Variants in RNF216 observed in about 807,000 individuals in gnomAD.
RNF216 encodes ring finger protein 216.
In RNF216, 72 loss-of-function variants were observed where a neutral mutation model predicts 110.8. That is an observed-to-expected ratio of 0.65 (90% CI 0.54 to 0.79). The LOEUF (loss-of-function observed/expected upper bound fraction) is 0.79, where lower values mean the gene tolerates loss of function less well. RNF216 is among the 30% of genes least tolerant of loss of function. RNF216 has a pLI of 0.00. For synonymous variants in RNF216, 495 were observed against 407.5 expected, an observed-to-expected ratio of 1.21 and a Z score of -2.59; for missense variants, 1,342 against 1,141.2, an observed-to-expected ratio of 1.18 and a Z score of -2.54.
chr7:5,725,945 A>AT (rs1362231389), intron 7 of RNF216, among the ~76,000 whole-genome samples: 1 of 152,050 alleles, frequency 6.6e-6, no homozygotes, highest in African/African-American at 2.4e-5. Flanking sequence ...TGGTGGAAGC[A>AT]AAACACTTAC....
At chr7:5,655,784 T>C (rs1788703710) in intron 13 of RNF216, among the ~76,000 whole-genome samples, 1 of 152,192 alleles carries the variant, frequency 6.6e-6, no homozygotes, top group African/African-American at 2.4e-5. Flanking sequence ...AAATTGTAAT[T>C]TTCTCCTCTC....
At chr7:5,755,865 C>T (rs1264162016) in intron 2 of RNF216, among the ~76,000 whole-genome samples, 1 of 152,098 alleles carries the variant, frequency 6.6e-6, no homozygotes, top group East Asian at 1.9e-4. Flanking sequence ...TAACACTAAA[C>T]AAATTTTCCA....
intron 13 of RNF216, chr7:5,666,730 T>C (rs1789552827): frequency 6.6e-6 from 1 of 151,908 alleles, no homozygotes; most frequent in African/African-American, 2.4e-5. Context: ...GGGGAGGCTG[T>C]GACTAAGCCC....
chr7:5,694,566 T>C (rs1791513048), intron 13 of RNF216, among the ~76,000 whole-genome samples: 1 of 152,222 alleles, frequency 6.6e-6, no homozygotes. Context: ...TAAGGTAAGT[T>C]TAAACGACAA....
At chr7:5,688,268 G>T (rs913014862) in intron 13 of RNF216, among the ~76,000 whole-genome samples, 1 of 152,186 alleles carries the variant, frequency 6.6e-6, no homozygotes. Flanking sequence ...TAACTAGACA[G>T]TAAATTGAGC....
chr7:5,778,687 G>A lies in RNF216; in HGVS notation c.-70+2854C>T, dbSNP rs182969936. Among the ~76,000 whole-genome samples, 29 of 152,308 alleles carry A rather than the reference G, an allele frequency of 1.9e-4. No individual in the cohort carries two copies. The East Asian group carries it at 3.1e-3, about 16-fold the overall frequency. On this transcript the variant is annotated intron_variant, in intron 1 of 16. Transcript: ENST00000389902. ...GGTCCAAACTGAGTTCAAGTTCCAC[G>A]CTGACCCTTACAAGTTTTGGGACTA...
chr7:5,695,405 C>A (rs180718003), intron 13 of RNF216, among the ~76,000 whole-genome samples: 116 of 152,250 alleles, frequency 7.6e-4, no homozygotes, highest in Non-Finnish European at 1.4e-3. Flanking sequence ...GCAGAAGCGC[C>A]ACATCGCCTT....
intron 9 of RNF216, among the ~76,000 whole-genome samples, chr7:5,718,856 C>T (rs933972881): frequency 4.6e-5 from 7 of 152,110 alleles, no homozygotes; most frequent in Non-Finnish European, 1.5e-5. Flanking sequence ...CCCACCCGGC[C>T]AAACTTAAGT....
chr7:5,630,706 A>G (rs1403925311), intron 15 of RNF216, among the ~76,000 whole-genome samples: 1 of 152,140 alleles, frequency 6.6e-6, no homozygotes, highest in Non-Finnish European at 1.5e-5. Flanking sequence ...TCACTCTTAT[A>G]AAGCGCCAAG....
In RNF216 at chr7:5,776,365, C is replaced by T. The variant is rs561592293; in HGVS notation, c.-70+5176G>A. ...TTGGGAGGCCAAGGCGGGCGGATCA[C>T]GAGGTCAGGAGACGGAGACCATCCT... On this transcript the variant is annotated intron_variant, in intron 1 of 16. Transcript: ENST00000389902. 1.6e-3 allele frequency among the ~76,000 whole-genome samples: 248 copies of T among 151,076 alleles called. 1 individual carries two copies. Among genetic ancestry groups the T allele is most frequent in the Admixed American group, 2.6e-3 (39 of 15,110 alleles).
chr7:5,624,367 T>C lies in RNF216; in HGVS notation c.2383-242A>G, dbSNP rs1003972580. Among the ~76,000 whole-genome samples the C allele has an allele frequency of 4.6e-5, 7 of 152,212 alleles. No individual in the cohort carries two copies. The highest frequency in any genetic ancestry group is 1.0e-4 in the Non-Finnish European group (7 of 68,028). ...AAGGCTGGGCAGAGGGGTCTGAGCA[T>C]GGCAGGCAGCTGCCTGGTGAGGTGG... On this transcript the variant is annotated intron_variant, in intron 15 of 16. Coordinates refer to ENST00000389902, the MANE Select transcript of RNF216 (RefSeq NM_207111.4). This position sits in a 1 kb window ranked among gnomAD's most constrained non-coding sequence, Gnocchi z 4.4.
At chr7:5,650,579 T>G (rs1341426838) in intron 14 of RNF216, among the ~76,000 whole-genome samples, 1 of 152,130 alleles carries the variant, frequency 6.6e-6, no homozygotes, top group Non-Finnish European at 1.5e-5. Flanking sequence ...GTCTCTATTT[T>G]CTTGGTGGCT....
chr7:5,767,469 G>A (rs1796264079), intron 1 of RNF216, among the ~76,000 whole-genome samples: 1 of 151,938 alleles, frequency 6.6e-6, no homozygotes. Flanking sequence ...CCAAAAACCA[G>A]AATAACCTCC....
rs759343490 is a variant in RNF216, at chr7:5,670,460, CTT to C, written c.2062-17952_2062-17951del. Among the ~76,000 whole-genome samples, 4 of 152,112 alleles carry C rather than the reference CTT, an allele frequency of 2.6e-5. No homozygotes were observed. The East Asian group carries it at 5.8e-4, about 22-fold the overall frequency. ...GAACTGGTGGTTGGGTAAAAAAAGT[CTT>C]TTACTTCCTCTTTTTGCTTATTCTT... On this transcript the variant is annotated intron_variant, in intron 13 of 16. Transcript: ENST00000389902.
At chr7:5,730,127 GAA>G (rs1046898693) in intron 6 of RNF216, among the ~76,000 whole-genome samples, 7 of 152,146 alleles carry the variant, frequency 4.6e-5, no homozygotes, top group Non-Finnish European at 8.8e-5. Flanking sequence ...CACATCAAAA[GAA>G]AAAAGATATT....
chr7:5,740,556 T>C (rs1311777505), intron 4 of RNF216, among the ~76,000 whole-genome samples: 1 of 152,192 alleles, frequency 6.6e-6, no homozygotes, highest in Non-Finnish European at 1.5e-5. Context: ...CTGATGCCAC[T>C]GGAAAATTTT....
At chr7:5,706,643 A>G (rs757158948) in intron 13 of RNF216, among the ~76,000 whole-genome samples, 3 of 152,232 alleles carry the variant, frequency 2.0e-5, no homozygotes, top group Non-Finnish European at 4.4e-5. Context: ...AGTGGTTTCC[A>G]TCTTGTGGCT....
Position 5,622,682 on chromosome 7 carries a change from G to C in RNF216, c.*178C>G. 1 of 635,938 alleles carries C rather than the reference G, an allele frequency of 1.6e-6. No homozygotes were observed. Among genetic ancestry groups the C allele is most frequent in the Non-Finnish European group, 2.7e-6 (1 of 369,576 alleles). The allele number at this position is 635,938 out of a possible 1,614,324, so 39.4% of individuals were successfully genotyped here. ...CACCATTTGGGACGTCTTTATTATG[G>C]ATCCGTCCACTCTTCCAGGAGCAGT... On this transcript the variant is annotated 3_prime_UTR_variant, in exon 17 of 17. Coordinates refer to ENST00000389902, the MANE Select transcript of RNF216 (RefSeq NM_207111.4).
intron 5 of RNF216, among the ~76,000 whole-genome samples, chr7:5,738,922 A>T (rs902877782): frequency 6.6e-6 from 1 of 152,204 alleles, no homozygotes; most frequent in African/African-American, 2.4e-5. Context: ...CACTAATGTC[A>T]GAACGAACAA....
Sources: gnomAD v4.1 joint callset for allele counts (sites outside exome capture counted in the v4.1 genomes callset) on GRCh38, gnomAD v4.1.1 for gene constraint, Gnocchi (gnomAD v3.1) non-coding constraint, MANE v1.5 for transcripts, NCBI Gene and HGNC (gene_info 2026-07-23, HGNC 2026-07-21) for gene names.